Variants in ATP2B2 observed in about 807,000 individuals in gnomAD.
ATP2B2 encodes the protein ATPase plasma membrane Ca2+ transporting 2, also known as plasma membrane calcium-transporting ATPase 2.
ATP2B2 carries 15 observed loss-of-function variants against 120.0 expected under a neutral mutation model. The observed-to-expected ratio is 0.12, with a 90% CI of 0.08 to 0.19. The LOEUF (loss-of-function observed/expected upper bound fraction) is 0.19, where lower values mean the gene tolerates loss of function less well. Among genes scored for constraint, ATP2B2 ranks in the 10% least tolerant of loss-of-function variants. The pLI is 1.00. For missense variants in ATP2B2, 1,045 were observed against 1,719.8 expected (o/e 0.61, Z 6.94); for synonymous variants, 694 against 700.3 (o/e 0.99, Z 0.14).
intron 1 of ATP2B2, among the ~76,000 whole-genome samples, chr3:10,487,302 A>G (rs537608603): frequency 6.6e-6 from 1 of 152,228 alleles, no homozygotes; most frequent in East Asian, 1.9e-4. Flanking sequence ...ACACAGATAT[A>G]CACCCCAAAA....
At chr3:10,686,640 C>T (rs1351855769) in intron 1 of ATP2B2, among the ~76,000 whole-genome samples, 5 of 151,378 alleles carry the variant, frequency 3.3e-5, no homozygotes, top group African/African-American at 4.9e-5. Context: ...GGCGACAGTG[C>T]GAGACTCCAT....
intron 1 of ATP2B2, among the ~76,000 whole-genome samples, chr3:10,486,050 C>T (rs146659605): frequency 4.3e-4 from 66 of 152,248 alleles, no homozygotes; most frequent in East Asian, 7.7e-4. Context: ...AGTCAGGTGC[C>T]GGGACTCAGG....
Position 10,327,011 on chromosome 3 carries a change from C to T in ATP2B2, c.*1803G>A. 2.5e-6 allele frequency: 1 copy of T among 397,708 alleles called. No individual in the cohort carries two copies. Among genetic ancestry groups the T allele is most frequent in the Non-Finnish European group, 4.4e-6 (1 of 225,776 alleles). The allele number at this position is 397,708 out of a possible 1,614,324, so 24.6% of individuals were successfully genotyped here. A position where few individuals can be genotyped will look rare whatever the true frequency, so the allele number is the denominator to read the frequency against. ...GTTTGGTTTTCCTCGAAGCATGGGA[C>T]ATCATCGATCATGGTATTCAAAATG... On this transcript the variant is annotated 3_prime_UTR_variant, in exon 23 of 23. Transcript: ENST00000360273.
intron 11 of ATP2B2, among the ~76,000 whole-genome samples, chr3:10,374,565 G>C (rs1375416815): frequency 6.6e-6 from 1 of 151,840 alleles, no homozygotes; most frequent in Non-Finnish European, 1.5e-5. Flanking sequence ...ATTCTGGCAT[G>C]GGGCACTGGG....
rs1322410694 is a variant in ATP2B2, at chr3:10,338,236, C to T, written c.3360G>A (p.Glu1120=). Residue 1120 remains glutamate, a synonymous_variant, in exon 22 of 23, where the codon GAG becomes GAA. Coordinates refer to ENST00000360273, the MANE Select transcript of ATP2B2 (RefSeq NM_001001331.4). ...NEDVEEIDHA[E]RELRRGQILW... ...GGATCTGGCCCCGCCGCAGCTCCCG[C>T]TCCGCGTGGTCGATCTCCTCCACGT... is the stretch of plus-strand genomic sequence containing the variant. 3.1e-6 allele frequency: 5 copies of T among 1,614,100 alleles called. No homozygotes were observed. In the African/African-American group the frequency reaches 5.3e-5, roughly 17 times the overall value.
intron 3 of ATP2B2, among the ~76,000 whole-genome samples, chr3:10,514,929 G>T (rs1005208205): frequency 1.6e-4 from 25 of 152,214 alleles, no homozygotes; most frequent in Non-Finnish European, 2.8e-4. Flanking sequence ...CAAGACAGCC[G>T]CAGTGGGCCG....
At chr3:10,525,877 T>C (rs1276823819) in intron 3 of ATP2B2, among the ~76,000 whole-genome samples, 1 of 152,212 alleles carries the variant, frequency 6.6e-6, no homozygotes, top group Non-Finnish European at 1.5e-5. Context: ...CCCTGTTATA[T>C]TTCACTCATT....
chr3:10,396,080 G>A (rs1420753043), intron 5 of ATP2B2, among the ~76,000 whole-genome samples: 2 of 152,220 alleles, frequency 1.3e-5, no homozygotes, highest in Non-Finnish European at 2.9e-5. Flanking sequence ...CTGAAGGCTG[G>A]TCTGCCCTCA....
intron 8 of ATP2B2, among the ~76,000 whole-genome samples, chr3:10,381,231 C>G (rs926359128): frequency 6.6e-6 from 1 of 152,236 alleles, no homozygotes; most frequent in Admixed American, 6.5e-5. Context: ...GAAAGACCCC[C>G]TGTGTCTCTA....
At chr3:10,626,506 T>C (rs959564879) in intron 1 of ATP2B2, 1 of 152,088 alleles carries the variant, frequency 6.6e-6, no homozygotes, top group Non-Finnish European at 1.5e-5. Context: ...GATAGATGGA[T>C]GAATGGATGG....
chr3:10,669,385 C>T (rs942765378), intron 1 of ATP2B2, among the ~76,000 whole-genome samples: 1 of 152,172 alleles, frequency 6.6e-6, no homozygotes, highest in African/African-American at 2.4e-5. Flanking sequence ...AGCCCATACC[C>T]CATTCCTATT....
chr3:10,422,050 G>A (rs1031218903), intron 2 of ATP2B2, among the ~76,000 whole-genome samples: 5 of 152,188 alleles, frequency 3.3e-5, no homozygotes, highest in Admixed American at 2.6e-4. Context: ...AACACCAACT[G>A]AGACCCACCC....
chr3:10,425,780 G>A (rs986203257), intron 2 of ATP2B2, among the ~76,000 whole-genome samples: 1 of 152,148 alleles, frequency 6.6e-6, no homozygotes, highest in Admixed American at 6.5e-5. Flanking sequence ...CACCATCCTT[G>A]CTCACCTGGA....
In ATP2B2 at chr3:10,505,447, G is replaced by A. The variant is rs560389314; in HGVS notation, c.-320+18C>T. The stretch of plus-strand genomic sequence containing the variant: ...TTTTATTTTTTATTTTCTCATGCTG[G>A]GGGATGCCGGTACTTACTTGGCTAT... On this transcript the variant is annotated intron_variant, in intron 1 of 22. Coordinates refer to ENST00000360273, the MANE Select transcript of ATP2B2 (RefSeq NM_001001331.4). The A allele has an allele frequency of 2.0e-5, 3 of 151,958 alleles. No individual in the cohort carries two copies. The highest frequency in any genetic ancestry group is 1.3e-4 in the Admixed American group (2 of 15,280). 9.4% of individuals were successfully genotyped at this position (151,958 alleles called of 1,614,324 possible). A position where few individuals can be genotyped will look rare whatever the true frequency, so the allele number is the denominator to read the frequency against.
intron 1 of ATP2B2, among the ~76,000 whole-genome samples, chr3:10,474,120 TG>T (rs1375176484): frequency 6.8e-6 from 1 of 147,274 alleles, no homozygotes; most frequent in Non-Finnish European, 1.5e-5. Flanking sequence ...GAGGTGTGGG[TG>T]GGTGGGTTAG....
At chr3:10,410,537 T>C in intron 3 of ATP2B2, 81 bp downstream of exon 3, 1 of 1,463,740 alleles carries the variant, frequency 6.8e-7, no homozygotes, top group African/African-American at 1.4e-5. Context: ...GAGGATTATT[T>C]GTGTGAGCCG....
In ATP2B2 at chr3:10,373,992, A is replaced by C. The variant is rs559461929; in HGVS notation, c.1416+1438T>G. ...GATGGTGGCTCCCAGGTCCAGGCTC[A>C]GAGAGGGCACAGTCTGCCTCTCCTG... On this transcript the variant is annotated intron_variant, in intron 11 of 22. Transcript: ENST00000360273. Among the ~76,000 whole-genome samples, 9 of 152,314 alleles carry C rather than the reference A, an allele frequency of 5.9e-5. No homozygotes were observed. In the East Asian group the frequency reaches 1.2e-3, roughly 20 times the overall value.
intron 3 of ATP2B2, among the ~76,000 whole-genome samples, chr3:10,533,623 C>T (rs1402613298): frequency 1.3e-5 from 2 of 152,236 alleles, no homozygotes; most frequent in African/African-American, 4.8e-5. Flanking sequence ...CAGGCTGGGG[C>T]ATGGCCCAGA....
rs1475177483 is a variant in ATP2B2, at chr3:10,500,702, A to G, written c.-320+4763T>C. ...TCCTCAGCCTCTCCAGGAAAAGCCAACCCTGCTGGCTCCTGACTCTAGACT... is the reference window on the plus strand; with the variant it reads ...TCCTCAGCCTCTCCAGGAAAAGCCAGCCCTGCTGGCTCCTGACTCTAGACT... On this transcript the variant is annotated intron_variant, in intron 1 of 22. Coordinates refer to ENST00000360273, the MANE Select transcript of ATP2B2 (RefSeq NM_001001331.4). Among the ~76,000 whole-genome samples, 4 of 152,154 alleles carry G rather than the reference A, an allele frequency of 2.6e-5. No homozygotes were observed. In the East Asian group the frequency reaches 7.7e-4, roughly 29 times the overall value.
Sources: gnomAD v4.1 joint callset for allele counts (sites outside exome capture counted in the v4.1 genomes callset) on GRCh38, gnomAD v4.1.1 for gene constraint, MANE v1.5 for transcripts, NCBI Gene and HGNC (gene_info 2026-07-23, HGNC 2026-07-21) for gene names.